Variants in ANKRD30A observed in about 807,000 individuals in gnomAD.
ANKRD30A encodes the protein ankyrin repeat domain 30A.
Under a neutral mutation model 166.3 loss-of-function variants are expected in ANKRD30A, and 170 were observed. That is an observed-to-expected ratio of 1.02 (90% CI 0.90 to 1.16). ANKRD30A has a LOEUF of 1.16. Among genes scored for constraint, ANKRD30A ranks in the 50% most tolerant of loss-of-function variants. ANKRD30A has a pLI of 0.00. For missense variants in ANKRD30A, 1,630 were observed against 1,518.0 expected (o/e 1.07, Z -1.23); for synonymous variants, 564 against 508.9 (o/e 1.11, Z -1.46).
intron 5 of ANKRD30A, among the ~76,000 whole-genome samples, chr10:37,134,798 T>G (rs1836580415): frequency 6.6e-6 from 1 of 152,194 alleles, no homozygotes; most frequent in East Asian, 1.9e-4. Flanking sequence ...TTGAATGACT[T>G]TTTTCTATTT....
At chr10:37,213,288 A>G (rs1045446590) in intron 31 of ANKRD30A, among the ~76,000 whole-genome samples, 3 of 151,848 alleles carry the variant, frequency 2.0e-5, no homozygotes, top group Admixed American at 6.6e-5. Context: ...TTCATGATTC[A>G]TCGATGCACT....
intron 33 of ANKRD30A, among the ~76,000 whole-genome samples, chr10:37,218,712 G>A (rs571026638): frequency 1.4e-5 from 2 of 146,882 alleles, no homozygotes; most frequent in East Asian, 4.0e-4. Flanking sequence ...TTCAGGGAAA[G>A]TTTTTTTTTT....
intron 31 of ANKRD30A, among the ~76,000 whole-genome samples, chr10:37,201,781 A>G (rs1588913040): frequency 6.6e-6 from 1 of 152,074 alleles, no homozygotes; most frequent in South Asian, 2.1e-4. Context: ...CAGCAAAAGT[A>G]TTCTGACTCT....
intron 34 of ANKRD30A, among the ~76,000 whole-genome samples, chr10:37,225,582 T>C (rs1389998392): frequency 1.3e-5 from 2 of 151,840 alleles, no homozygotes; most frequent in Admixed American, 1.3e-4. Context: ...TTTGGGGAAG[T>C]AAAAATCTGT....
chr10:37,195,979 A>G (rs1401069407), intron 27 of ANKRD30A, among the ~76,000 whole-genome samples: 2 of 152,166 alleles, frequency 1.3e-5, no homozygotes, highest in African/African-American at 2.4e-5. Context: ...AACAGAAATT[A>G]TAGATTTAAG....
At chr10:37,217,510 A>G (rs1341626424) in intron 32 of ANKRD30A, among the ~76,000 whole-genome samples, 185 bp from the exon 33 acceptor site, 1 of 150,828 alleles carries the variant, frequency 6.6e-6, no homozygotes, top group Non-Finnish European at 1.5e-5. Flanking sequence ...TTTTCTCGCT[A>G]TTTTTCAAGT....
intron 8 of ANKRD30A, 60 bp downstream of exon 8, chr10:37,145,116 T>C: frequency 2.2e-6 from 3 of 1,345,426 alleles, no homozygotes; most frequent in East Asian, 2.5e-5. Flanking sequence ...TGTGAAAATA[T>C]AAAGTCAGAG....
downstream of ANKRD30A, among the ~76,000 whole-genome samples, chr10:37,236,750 T>C (rs1296633502): frequency 1.3e-5 from 2 of 152,238 alleles, no homozygotes; most frequent in African/African-American, 4.8e-5. Flanking sequence ...AAGAGAAATA[T>C]GTTTTGTGTC....
chr10:37,247,943 A>G, the ANKRD30A span, among the ~76,000 whole-genome samples: 1 of 151,930 alleles, frequency 6.6e-6, no homozygotes. Flanking sequence ...CTGGGTGATG[A>G]AATAATCTGT....
intron 31 of ANKRD30A, among the ~76,000 whole-genome samples, chr10:37,206,118 G>A (rs895015416): frequency 1.4e-4 from 22 of 152,162 alleles, no homozygotes; most frequent in Admixed American, 3.9e-4. Flanking sequence ...ATTTTAAAAA[G>A]TGTTGAAGGG....
chr10:37,207,270 A>G (rs1457386447), intron 31 of ANKRD30A, among the ~76,000 whole-genome samples: 1 of 152,176 alleles, frequency 6.6e-6, no homozygotes. Context: ...CAATTATAAG[A>G]TAAATTAAAG....
intron 19 of ANKRD30A, among the ~76,000 whole-genome samples, chr10:37,167,729 T>C (rs890144937): frequency 2.0e-5 from 3 of 151,700 alleles, no homozygotes; most frequent in Admixed American, 6.6e-5. Context: ...TATTCCAGTA[T>C]ATGGGTATGA....
chr10:37,162,627 A>C lies in ANKRD30A; in HGVS notation c.1901-22A>C, dbSNP rs369175064. The C allele has an allele frequency of 4.0e-5, 65 of 1,611,748 alleles. 1 individual carries two copies. In the African/African-American group the frequency reaches 8.6e-4, roughly 21 times the overall value. Reference sequence around the variant, plus strand: ...TTGTCATATTTACATATGATTGATGATAAATCTCTTTTGCTTTTTAGAGCC... The same window carrying C: ...TTGTCATATTTACATATGATTGATGCTAAATCTCTTTTGCTTTTTAGAGCC... On this transcript the variant is annotated intron_variant, in intron 15 of 35. Transcript: ENST00000361713.
intron 18 of ANKRD30A, 63 bp downstream of exon 18, chr10:37,165,218 A>G: frequency 6.9e-7 from 1 of 1,458,040 alleles, no homozygotes; most frequent in Non-Finnish European, 9.6e-7. Context: ...ATAAAATCAG[A>G]TGCTTAGTCT....
At chr10:37,204,216 C>T (rs1305140502) in intron 31 of ANKRD30A, among the ~76,000 whole-genome samples, 17 of 152,162 alleles carry the variant, frequency 1.1e-4, no homozygotes, top group Admixed American at 1.1e-3. Context: ...CTGGAGGCAT[C>T]ACACTACCTG....
At chr10:37,246,691 CTT>C in the ANKRD30A span, among the ~76,000 whole-genome samples, 1 of 152,066 alleles carries the variant, frequency 6.6e-6, no homozygotes, top group Non-Finnish European at 1.5e-5. Context: ...TTACCAGGCT[CTT>C]TTCAGAAATG....
At chr10:37,228,002 C>T (rs1843239682) in intron 34 of ANKRD30A, among the ~76,000 whole-genome samples, 1 of 152,034 alleles carries the variant, frequency 6.6e-6, no homozygotes, top group Admixed American at 6.6e-5. Flanking sequence ...ATGATCTTTT[C>T]TTGGTACAGT....
downstream of ANKRD30A, chr10:37,232,626 A>G (rs1428629386): frequency 8.0e-6 from 1 of 125,402 alleles, no homozygotes; most frequent in East Asian, 2.8e-4. Context: ...GCCAGCAATG[A>G]CAAGATGTAT....
Position 37,216,343 on chromosome 10 carries a change from C to G in ANKRD30A, c.3032C>G (p.Ser1011Ter), listed in dbSNP as rs759967304. The G allele has an allele frequency of 6.2e-7, 1 of 1,608,038 alleles. No individual in the cohort carries two copies. The highest frequency in any genetic ancestry group is 8.5e-7 in the Non-Finnish European group (1 of 1,176,200). Residue 1011 changes from serine (S) to a stop codon, truncating the protein, a stop_gained, in exon 32 of 36, where the codon TCA (serine) becomes TGA (stop). Transcript: ENST00000361713. LOFTEE classifies it high-confidence loss of function. ...CTGTCAGAAGCAAAAGAAATAAAAT[C>G]ACAGTTAGAGAACCAAAAAGTTAAA... ...KKLSEAKEIK[S>*]QLENQKVKWE... is the part of the protein sequence containing the mutation.
Sources: gnomAD v4.1 joint callset for allele counts (sites outside exome capture counted in the v4.1 genomes callset) on GRCh38, gnomAD v4.1.1 for gene constraint, MANE v1.5 for transcripts, NCBI Gene and HGNC (gene_info 2026-07-23, HGNC 2026-07-21) for gene names.